The following SP100 variants were observed in gnomAD, a reference collection of about 807,000 sequenced individuals.
The protein encoded by SP100 is nuclear autoantigen Sp-100.
In SP100, 84 loss-of-function variants were observed where a neutral mutation model predicts 130.0. That is an observed-to-expected ratio of 0.65 (90% CI 0.54 to 0.77). SP100 has a LOEUF of 0.77. Ranked by LOEUF, SP100 falls within the 30% of genes least tolerant of loss-of-function variation. The pLI is 0.00. For synonymous variants in SP100, 331 were observed against 351.7 expected (o/e 0.94, Z 0.66); for missense variants, 978 against 1,052.2 (o/e 0.93, Z 0.97).
chr2:230,452,743 A>C (rs1229710249), intron 8 of SP100, among the ~76,000 whole-genome samples: 2 of 151,132 alleles, frequency 1.3e-5, no homozygotes, highest in African/African-American at 4.9e-5. Context: ...TTGTTAGTGC[A>C]TAGAAATGCA....
At chr2:230,476,446 A>G (rs1273182644) in intron 17 of SP100, among the ~76,000 whole-genome samples, 2 of 152,150 alleles carry the variant, frequency 1.3e-5, no homozygotes, top group African/African-American at 2.4e-5. Flanking sequence ...TACTCCTTTC[A>G]TAAGATAAAA....
At chr2:230,445,326 A>G (rs868559612) in intron 4 of SP100, among the ~76,000 whole-genome samples, 1 of 152,316 alleles carries the variant, frequency 6.6e-6, no homozygotes, top group East Asian at 1.9e-4. Flanking sequence ...TGCTCTGAAG[A>G]TGGTGGATGC....
At position 230,471,979 on chromosome 2, in the gene SP100, C is replaced by T. The variant is rs186136449; in HGVS notation, c.1430-1345C>T. On this transcript the variant is annotated intron_variant, in intron 15 of 28. Coordinates refer to ENST00000340126, the MANE Select transcript of SP100 (RefSeq NM_001080391.2). ...ATTGACAGCCTTGCAAGGTAGAAAG[C>T]TCATAAAGAACAGACAAAGGTAATA... 2.8e-3 allele frequency among the ~76,000 whole-genome samples: 428 copies of T among 152,128 alleles called. 1 individual carries two copies. The highest frequency in any genetic ancestry group is 0.01 in the African/African-American group (418 of 41,512).
chr2:230,494,405 T>A lies in SP100; in HGVS notation c.1601-11T>A, dbSNP rs1229556151. On this transcript the variant is annotated splice_polypyrimidine_tract_variant and intron_variant, in intron 17 of 28. Transcript: ENST00000340126. ...TTCTAAAGGATTATTTTCTTTCTTT[T>A]CTGTTTGCAGGAAAAAAGAGAAGGC... 6.4e-7 allele frequency: 1 copy of A among 1,573,944 alleles called. No individual in the cohort carries two copies. Among genetic ancestry groups the A allele is most frequent in the African/African-American group, 1.4e-5 (1 of 74,030 alleles).
intron 24 of SP100, among the ~76,000 whole-genome samples, chr2:230,536,350 G>A (rs1328515513): frequency 3.3e-5 from 5 of 152,118 alleles, no homozygotes; most frequent in African/African-American, 4.8e-5. Flanking sequence ...CAGAAAAGGG[G>A]CACTGAAATG....
At chr2:230,481,089 C>G (rs971048025) in intron 17 of SP100, among the ~76,000 whole-genome samples, 1 of 151,882 alleles carries the variant, frequency 6.6e-6, no homozygotes, top group Non-Finnish European at 1.5e-5. Flanking sequence ...CTGATGTCTA[C>G]GTATTGGAGT....
intron 23 of SP100, chr2:230,508,926 C>CACACACACACACACACACACAT (rs796423507): frequency 2.3e-5 from 3 of 129,184 alleles, no homozygotes; most frequent in Admixed American, 7.3e-5. Context: ...ACCACACACA[C>CACACACACACACACACACACAT]ACACACACAC....
At chr2:230,427,707 A>G (rs903119960) in intron 2 of SP100, among the ~76,000 whole-genome samples, 1 of 151,612 alleles carries the variant, frequency 6.6e-6, no homozygotes, top group Admixed American at 6.6e-5. Flanking sequence ...CTTTCTCTTA[A>G]TCTTATCTAC....
At chr2:230,439,350 T>G (rs1350383009) in intron 2 of SP100, among the ~76,000 whole-genome samples, 2 of 152,234 alleles carry the variant, frequency 1.3e-5, no homozygotes, top group Non-Finnish European at 2.9e-5. Flanking sequence ...GATGGTGTTT[T>G]GATGGGAATT....
In SP100 at chr2:230,419,921, T is replaced by C. The variant is rs185442909; in HGVS notation, c.107+2256T>C. On this transcript the variant is annotated intron_variant, in intron 2 of 28. Coordinates refer to ENST00000340126, the MANE Select transcript of SP100 (RefSeq NM_001080391.2). ...TCTATTTTCATTCTTGTTTCAATAC[T>C]GAAATGTTTTAGTTACTATGATTTT... Among the ~76,000 whole-genome samples the C allele has an allele frequency of 7.0e-4, 107 of 152,340 alleles. 1 individual carries two copies. Among genetic ancestry groups the C allele is most frequent in the African/African-American group, 2.5e-3 (102 of 41,586 alleles).
At position 230,498,538 on chromosome 2, in the gene SP100, A is replaced by T. The variant is rs780973036; in HGVS notation, c.1720+3A>T. On this transcript the variant is annotated splice_donor_region_variant and intron_variant, in intron 19 of 28. Coordinates refer to ENST00000340126, the MANE Select transcript of SP100 (RefSeq NM_001080391.2). ...AAAGAAAAGATGGCAACAAAGAGGT[A>T]AAAAAAAAAAAATACATTTTAAATA... The T allele has an allele frequency of 1.8e-5, 1 of 54,796 alleles. No individual in the cohort carries two copies. Among genetic ancestry groups the T allele is most frequent in the Non-Finnish European group, 2.6e-5 (1 of 38,910 alleles). The allele number at this position is 54,796 out of a possible 1,614,324, so 3.4% of individuals were successfully genotyped here. A position where few individuals can be genotyped will look rare whatever the true frequency, so the allele number is the denominator to read the frequency against.
intron 17 of SP100, among the ~76,000 whole-genome samples, chr2:230,478,412 A>G (rs2065672243): frequency 6.6e-6 from 1 of 152,244 alleles, no homozygotes; most frequent in South Asian, 2.1e-4. Context: ...TGGGATTATT[A>G]CAAGACCTCT....
At chr2:230,478,749 C>T (rs1483654516) in intron 17 of SP100, among the ~76,000 whole-genome samples, 2 of 152,110 alleles carry the variant, frequency 1.3e-5, no homozygotes, top group East Asian at 3.9e-4. Flanking sequence ...GCCCGTGGAG[C>T]TCAATGTTAC....
rs139265325 is a variant in SP100, at chr2:230,507,233, T to A, written c.2014-760T>A. 395 of 152,244 alleles carry A rather than the reference T, an allele frequency of 2.6e-3. 5 individuals carry two copies. The highest frequency in any genetic ancestry group is 0.014 in the South Asian group (68 of 4,816). The allele number at this position is 152,244 out of a possible 1,614,324, so 9.4% of individuals were successfully genotyped here. A position where few individuals can be genotyped will look rare whatever the true frequency, so the allele number is the denominator to read the frequency against. On this transcript the variant is annotated intron_variant, in intron 22 of 28. Coordinates refer to ENST00000340126, the MANE Select transcript of SP100 (RefSeq NM_001080391.2). ...ATCCATGCTAAGTTCAGCATCAACA[T>A]AGGGGACCACCAGATTGCCTAAGGA...
Position 230,543,062 on chromosome 2 carries a change from A to G in SP100, c.*116A>G, listed in dbSNP as rs182464913. 2.9e-5 allele frequency: 17 copies of G among 577,098 alleles called. No individual in the cohort carries two copies. Among genetic ancestry groups the G allele is most frequent in the African/African-American group, 2.3e-4 (12 of 52,202 alleles). The allele number at this position is 577,098 out of a possible 1,614,324, so 35.7% of individuals were successfully genotyped here. ...TCCACATCACAATTCTCCAAAATTTATCATTGCCATTTTAAAACCGTCTTT... is the reference window on the plus strand; with the variant it reads ...TCCACATCACAATTCTCCAAAATTTGTCATTGCCATTTTAAAACCGTCTTT... On this transcript the variant is annotated 3_prime_UTR_variant, in exon 29 of 29. Coordinates refer to ENST00000340126, the MANE Select transcript of SP100 (RefSeq NM_001080391.2).
At chr2:230,520,300 G>A (rs1259367066) in intron 24 of SP100, among the ~76,000 whole-genome samples, 1 of 152,168 alleles carries the variant, frequency 6.6e-6, no homozygotes, top group Non-Finnish European at 1.5e-5. Flanking sequence ...GACAGAGAAT[G>A]TTTCTTAACT....
chr2:230,529,063 C>T (rs1470184350), intron 24 of SP100, among the ~76,000 whole-genome samples: 1 of 152,138 alleles, frequency 6.6e-6, no homozygotes, highest in Non-Finnish European at 1.5e-5. Context: ...GGGAATCCTC[C>T]CTAACTTATT....
In SP100 at chr2:230,543,159, C is replaced by T; in HGVS notation, c.*213C>T. 1 of 389,996 alleles carries T rather than the reference C, an allele frequency of 2.6e-6. No individual in the cohort carries two copies. The highest frequency in any genetic ancestry group is 4.7e-6 in the Non-Finnish European group (1 of 213,468). The allele number at this position is 389,996 out of a possible 1,614,324, so 24.2% of individuals were successfully genotyped here. ...ATAAGCTAGGTATTGAGGAACATAT[C>T]CCAAAATAATAAGAGCCATTTATGA... On this transcript the variant is annotated 3_prime_UTR_variant, in exon 29 of 29. Transcript: ENST00000340126.
intron 24 of SP100, among the ~76,000 whole-genome samples, chr2:230,517,710 A>G (rs1690987261): frequency 6.6e-6 from 1 of 151,816 alleles, no homozygotes; most frequent in Non-Finnish European, 1.5e-5. Context: ...GGTTACAGTG[A>G]GCCGAGATTG....
Sources: allele counts gnomAD v4.1 joint callset (sites outside exome capture counted in the v4.1 genomes callset), GRCh38; gene constraint gnomAD v4.1.1; transcripts MANE v1.5; gene names NCBI Gene and HGNC (gene_info 2026-07-23, HGNC 2026-07-21).